RGS6: variants seen among roughly 807,000 people sequenced by gnomAD.
RGS6 encodes the protein regulator of G protein signaling 6.
In RGS6, 30 loss-of-function variants were observed where a neutral mutation model predicts 78.5. The ratio of observed to expected loss-of-function variants is 0.38; its 90% confidence interval spans 0.29 to 0.52. RGS6 has a LOEUF of 0.52. Ranked by LOEUF, RGS6 falls within the 20% of genes least tolerant of loss-of-function variation. The pLI is 0.85. For synonymous variants in RGS6, 206 were observed against 206.0 expected, an observed-to-expected ratio of 1.00 and a Z score of 0.00; for missense variants, 495 against 609.7, an observed-to-expected ratio of 0.81 and a Z score of 1.98.
chr14:72,132,796 T>C (rs868335688), intron 2 of RGS6, among the ~76,000 whole-genome samples: 16 of 151,700 alleles, frequency 1.1e-4, no homozygotes, highest in African/African-American at 3.6e-4. Flanking sequence ...TTTTTTTTTT[T>C]CTCTGTCAGA....
intron 2 of RGS6, among the ~76,000 whole-genome samples, chr14:72,019,927 G>GC (rs1384880426): frequency 6.6e-6 from 1 of 152,224 alleles, no homozygotes; most frequent in Non-Finnish European, 1.5e-5. Flanking sequence ...ATTCTGGAAT[G>GC]CTGCATATTA....
chr14:72,095,738 T>G (rs527270633), intron 2 of RGS6, among the ~76,000 whole-genome samples: 1 of 152,352 alleles, frequency 6.6e-6, no homozygotes, highest in African/African-American at 2.4e-5. Context: ...AGAGTTTTGC[T>G]GTGCAGCAGC....
chr14:71,899,491 G>A, the RGS6 span, among the ~76,000 whole-genome samples: 1 of 152,142 alleles, frequency 6.6e-6, no homozygotes, highest in Non-Finnish European at 1.5e-5. Flanking sequence ...ATGTTGTTTA[G>A]GTACGGTACA....
At chr14:72,309,125 C>G (rs2067947189) in intron 2 of RGS6, among the ~76,000 whole-genome samples, 1 of 152,162 alleles carries the variant, frequency 6.6e-6, no homozygotes, top group African/African-American at 2.4e-5. Context: ...CCCCTCCTTG[C>G]AAGTCTATAC....
chr14:72,194,201 G>T (rs1356560659), intron 2 of RGS6, among the ~76,000 whole-genome samples: 2 of 152,044 alleles, frequency 1.3e-5, no homozygotes, highest in African/African-American at 2.4e-5. Context: ...TGCTGTACCA[G>T]TTGTGGGCTA....
At chr14:72,519,203 G>A (rs1382627208) in intron 15 of RGS6, among the ~76,000 whole-genome samples, 1 of 152,218 alleles carries the variant, frequency 6.6e-6, no homozygotes, top group Non-Finnish European at 1.5e-5. Context: ...GCTCACAGAT[G>A]CTAGTGATGC....
At chr14:72,197,347 T>C (rs915694587) in intron 2 of RGS6, among the ~76,000 whole-genome samples, 2 of 152,234 alleles carry the variant, frequency 1.3e-5, no homozygotes, top group African/African-American at 4.8e-5. Flanking sequence ...ATTACAGGCA[T>C]GAGCCACTGC....
chr14:72,115,533 C>T (rs1303871380), intron 2 of RGS6, among the ~76,000 whole-genome samples: 2 of 152,240 alleles, frequency 1.3e-5, no homozygotes, highest in East Asian at 3.9e-4. Flanking sequence ...TGCATCTGCC[C>T]AGGAGTCAGA....
In RGS6 at chr14:72,498,299, C is replaced by T. The variant is rs367648489; in HGVS notation, c.965+3037C>T. ...TCTATTTCTGCCGCTTAGTTTTATT[C>T]GGGGTTATTCATTAGAGAATCATCA... On this transcript the variant is annotated intron_variant, in intron 13 of 17. Coordinates refer to ENST00000553525, the MANE Select transcript of RGS6 (RefSeq NM_001204424.2). Among the ~76,000 whole-genome samples, 29 of 152,082 alleles carry T rather than the reference C, an allele frequency of 1.9e-4. 1 individual carries two copies. The East Asian group carries it at 3.3e-3, about 17-fold the overall frequency.
intron 3 of RGS6, among the ~76,000 whole-genome samples, chr14:72,436,722 T>G (rs1231723345): frequency 1.6e-4 from 24 of 152,208 alleles, no homozygotes; most frequent in Admixed American, 6.5e-5. Context: ...GTCTTACTAT[T>G]AATATCAGAA....
At chr14:72,153,605 G>A (rs760176508) in intron 2 of RGS6, among the ~76,000 whole-genome samples, 3 of 152,184 alleles carry the variant, frequency 2.0e-5, no homozygotes, top group African/African-American at 7.2e-5. Context: ...TACAAAGAGA[G>A]GAATTTTACA....
In RGS6 at chr14:71,994,972, C is replaced by G. The variant is rs149891942; in HGVS notation, c.84+30097C>G. On this transcript the variant is annotated intron_variant, in intron 2 of 17. Coordinates refer to ENST00000553525, the MANE Select transcript of RGS6 (RefSeq NM_001204424.2). ...TTACAGCCAGCAAGACGGGATGTTT[C>G]AGATGACCCTGTCCTATGTGGAACT... Among the ~76,000 whole-genome samples, 1,013 of 152,280 alleles carry G rather than the reference C, an allele frequency of 6.7e-3. 12 individuals are homozygous for G. Among genetic ancestry groups the G allele is most frequent in the South Asian group, 0.052 (251 of 4,816 alleles).
chr14:72,524,461 G>T (rs1262971224), intron 15 of RGS6, among the ~76,000 whole-genome samples: 1 of 152,190 alleles, frequency 6.6e-6, no homozygotes, highest in Non-Finnish European at 1.5e-5. Flanking sequence ...TCCTTGTAGG[G>T]CATTTGTCTC....
At chr14:72,359,036 C>T (rs1596244139) in intron 3 of RGS6, among the ~76,000 whole-genome samples, 2 of 152,294 alleles carry the variant, frequency 1.3e-5, no homozygotes, top group South Asian at 2.1e-4. Context: ...ACGGGCTTTT[C>T]CTCTACCTCA....
intron 2 of RGS6, among the ~76,000 whole-genome samples, chr14:72,351,071 G>A (rs2239231): frequency 0.61 from 92,104 of 152,022 alleles, 30,696 homozygotes; most frequent in African/African-American, 0.9. Flanking sequence ...GTTAGAATAA[G>A]TGAGCTGTAA....
intron 2 of RGS6, among the ~76,000 whole-genome samples, chr14:72,011,109 C>T (rs1477194059): frequency 6.6e-6 from 1 of 152,236 alleles, no homozygotes; most frequent in Non-Finnish European, 1.5e-5. Flanking sequence ...TGTCCTTTGA[C>T]AGATCCTTTT....
chr14:72,448,787 G>T (rs1052422486), intron 3 of RGS6, among the ~76,000 whole-genome samples: 1 of 152,054 alleles, frequency 6.6e-6, no homozygotes, highest in Non-Finnish European at 1.5e-5. Flanking sequence ...TACTTGGAAA[G>T]TTATACAGAG....
chr14:72,005,476 TATTC>T (rs756104580), intron 2 of RGS6, among the ~76,000 whole-genome samples: 18 of 126,680 alleles, frequency 1.4e-4, no homozygotes, highest in Non-Finnish European at 3.1e-4. Flanking sequence ...TATATCTCCC[TATTC>T]ATTCAGCAAC....
At chr14:72,581,867 T>C in the RGS6 span, among the ~76,000 whole-genome samples, 1 of 152,218 alleles carries the variant, frequency 6.6e-6, no homozygotes, top group African/African-American at 2.4e-5. Context: ...TACACAGGGC[T>C]GCATAATTAA....
Sources: allele counts gnomAD v4.1 joint callset (sites outside exome capture counted in the v4.1 genomes callset), GRCh38; gene constraint gnomAD v4.1.1; transcripts MANE v1.5; gene names NCBI Gene and HGNC (gene_info 2026-07-23, HGNC 2026-07-21).